PGGT1B: variants seen among roughly 807,000 people sequenced by gnomAD.
PGGT1B encodes geranylgeranyl transferase type-1 subunit beta.
Under a neutral mutation model 46.1 loss-of-function variants are expected in PGGT1B, and 30 were observed. That is an observed-to-expected ratio of 0.65 (90% confidence interval 0.49 to 0.88). The LOEUF (loss-of-function observed/expected upper bound fraction) is 0.88, where lower values mean the gene tolerates loss of function less well. PGGT1B is among the 40% of genes least tolerant of loss of function. The pLI, the probability that PGGT1B is intolerant of heterozygous loss-of-function variation, is 0.00. For missense variants in PGGT1B, 376 were observed against 455.9 expected (o/e 0.82, Z 1.60); for synonymous variants, 170 against 160.0 (o/e 1.06, Z -0.47).
chr5:115,239,811 A>G (rs546134874), intron 3 of PGGT1B, among the ~76,000 whole-genome samples: 1 of 152,328 alleles, frequency 6.6e-6, no homozygotes, highest in South Asian at 2.1e-4. Flanking sequence ...AAAATTTGCT[A>G]GAGAGCATGG....
intron 1 of PGGT1B, among the ~76,000 whole-genome samples, chr5:115,258,928 A>G (rs1748436571): frequency 6.6e-6 from 1 of 152,224 alleles, no homozygotes. Flanking sequence ...TCTTTCGCCT[A>G]CCATTAGATT....
rs1221672618 is a variant in PGGT1B, at chr5:115,212,396, A to T, written c.*6T>A. ...AAATCCCCCCACCCTCCCAATCTAA[A>T]ATCAGTCATGTGGAGATATGTACAT... is the stretch of plus-strand genomic sequence containing the variant. On this transcript the variant is annotated 3_prime_UTR_variant, in exon 9 of 9. Transcript: ENST00000419445. The T allele has an allele frequency of 6.2e-6, 10 of 1,606,098 alleles. No individual in the cohort carries two copies. The highest frequency in any genetic ancestry group is 6.8e-6 in the Non-Finnish European group (8 of 1,175,220).
At chr5:115,246,251 G>A (rs1747826667) in intron 2 of PGGT1B, among the ~76,000 whole-genome samples, 3 of 151,794 alleles carry the variant, frequency 2.0e-5, no homozygotes, top group African/African-American at 7.3e-5. Flanking sequence ...AGCTACTTGG[G>A]AGGCTGAGGC....
rs989321808 is a variant in PGGT1B at position 115,207,027 on chromosome 5, C to T, written c.*5375G>A. The T allele has an allele frequency of 1.3e-4, 20 of 151,544 alleles. No homozygotes were observed. The highest frequency in any genetic ancestry group is 2.8e-4 in the Non-Finnish European group (19 of 67,750). The allele number at this position is 151,544 out of a possible 1,614,324, so 9.4% of individuals were successfully genotyped here. On this transcript the variant is annotated 3_prime_UTR_variant, in exon 9 of 9. Coordinates refer to ENST00000419445, the MANE Select transcript of PGGT1B (RefSeq NM_005023.4). ...GTATCTTTCCATTTGGTGGAATCTA[C>T]ATTTTTGCCTCTCAAGAGTTTTTTT...
In PGGT1B at chr5:115,253,211, T is replaced by C; in HGVS notation, c.185A>G (p.Asp62Gly). 6.3e-7 allele frequency: 1 copy of C among 1,599,634 alleles called. No individual in the cohort carries two copies. The highest frequency in any genetic ancestry group is 8.5e-7 in the Non-Finnish European group (1 of 1,174,030). ...FFALSGLDML[D>G]SLDVVNKDDI... ...ATCTTTGTTCACCACATCTAAGGAA[T>C]CCAACATATCCAGCCCGGAGAGTGC... is the stretch of plus-strand genomic sequence containing the variant. Residue 62 changes from aspartate (D) to glycine (G), a missense_variant, in exon 2 of 9, where the codon GAT becomes GGT. This residue lies in a region of PGGT1B where 154 missense variants were observed against 142.3 expected (regional missense o/e 1.08). Transcript: ENST00000419445.
chr5:115,242,892 G>A (rs543829535), intron 2 of PGGT1B, among the ~76,000 whole-genome samples: 28 of 152,146 alleles, frequency 1.8e-4, no homozygotes, highest in African/African-American at 3.4e-4. Flanking sequence ...GCTTGAACCC[G>A]GGAGGTGGAG....
intron 1 of PGGT1B, among the ~76,000 whole-genome samples, chr5:115,256,320 C>T (rs1234842045): frequency 1.3e-5 from 2 of 152,184 alleles, no homozygotes; most frequent in Non-Finnish European, 2.9e-5. Flanking sequence ...TAAGGTCATA[C>T]TCTTATCTGT....
At chr5:115,237,553 C>A (rs1757220692) in intron 4 of PGGT1B, among the ~76,000 whole-genome samples, 1 of 152,130 alleles carries the variant, frequency 6.6e-6, no homozygotes, top group Non-Finnish European at 1.5e-5. Flanking sequence ...TTCAAAATAT[C>A]AATTTTTCAT....
chr5:115,213,220 G>A (rs545583809), intron 8 of PGGT1B, among the ~76,000 whole-genome samples: 1 of 152,272 alleles, frequency 6.6e-6, no homozygotes, highest in Admixed American at 6.5e-5. Flanking sequence ...ATTCTATTTG[G>A]TTGAAATAAT....
chr5:115,241,652 G>A lies in PGGT1B; in HGVS notation c.260-46C>T. 3 of 1,414,120 alleles carry A rather than the reference G, an allele frequency of 2.1e-6. No individual in the cohort carries two copies. The East Asian group carries it at 7.1e-5, about 33-fold the overall frequency. 87.6% of individuals were successfully genotyped at this position (1,414,120 alleles called of 1,614,324 possible). A position where few individuals can be genotyped will look rare whatever the true frequency, so the allele number is the denominator to read the frequency against. ...CTTATTTAAAGTACACTTTATTTTT[G>A]CACAGATTCTAAAGCAGTTTAATTA... On this transcript the variant is annotated intron_variant, in intron 2 of 8. Coordinates refer to ENST00000419445, the MANE Select transcript of PGGT1B (RefSeq NM_005023.4).
intron 8 of PGGT1B, 54 bp downstream of exon 8, chr5:115,216,811 T>A (rs1259967224): frequency 1.2e-6 from 1 of 866,116 alleles, no homozygotes; most frequent in Non-Finnish European, 1.9e-6. Flanking sequence ...TAAAGATGCT[T>A]GAAGATCTAT....
At chr5:115,224,232 CAA>C (rs1756686244) in intron 6 of PGGT1B, among the ~76,000 whole-genome samples, 1 of 152,140 alleles carries the variant, frequency 6.6e-6, no homozygotes, top group Admixed American at 6.6e-5. Flanking sequence ...GCCATGACTT[CAA>C]GTTTTATTAC....
chr5:115,212,968 T>C (rs773487608), intron 8 of PGGT1B, among the ~76,000 whole-genome samples: 2 of 152,200 alleles, frequency 1.3e-5, no homozygotes, highest in Non-Finnish European at 2.9e-5. Context: ...GCTATATCAT[T>C]AAGTTTTTTT....
intron 7 of PGGT1B, 31 bp downstream of exon 7, chr5:115,221,793 T>C (rs1756597176): frequency 2.2e-6 from 3 of 1,382,160 alleles, no homozygotes; most frequent in South Asian, 1.3e-5. Flanking sequence ...ACACAGAATA[T>C]AGGTTTCTCA....
Position 115,253,119 on chromosome 5 carries a change from T to C in PGGT1B, c.259+18A>G, listed in dbSNP as rs1218369011. The C allele has an allele frequency of 1.3e-6, 2 of 1,597,018 alleles. No individual in the cohort carries two copies. Among genetic ancestry groups the C allele is most frequent in the Non-Finnish European group, 1.7e-6 (2 of 1,173,712 alleles). On this transcript the variant is annotated intron_variant, in intron 2 of 8. Coordinates refer to ENST00000419445, the MANE Select transcript of PGGT1B (RefSeq NM_005023.4). ...ACAACCAGTCACACTAAAAATAAAATGCTAAAAACTCACTCACTGTCTTCT... is the reference window on the plus strand; with the variant it reads ...ACAACCAGTCACACTAAAAATAAAACGCTAAAAACTCACTCACTGTCTTCT...
intron 3 of PGGT1B, among the ~76,000 whole-genome samples, chr5:115,239,702 C>G (rs557261183): frequency 6.6e-6 from 1 of 152,068 alleles, no homozygotes; most frequent in South Asian, 2.1e-4. Flanking sequence ...AGAAGAGGAG[C>G]CTGGGCAGGT....
chr5:115,249,629 A>G (rs1234252096), intron 2 of PGGT1B, among the ~76,000 whole-genome samples: 1 of 151,716 alleles, frequency 6.6e-6, no homozygotes, highest in East Asian at 1.9e-4. Flanking sequence ...GTCAGGGTGG[A>G]GCAGGTAATC....
chr5:115,231,332 T>C (rs1756976728), intron 5 of PGGT1B, among the ~76,000 whole-genome samples: 1 of 151,958 alleles, frequency 6.6e-6, no homozygotes, highest in Non-Finnish European at 1.5e-5. Context: ...TCCTTTACCA[T>C]TGCAAGTATA....
At chr5:115,222,382 G>A (rs1301091858) in intron 6 of PGGT1B, among the ~76,000 whole-genome samples, 1 of 152,140 alleles carries the variant, frequency 6.6e-6, no homozygotes, top group Non-Finnish European at 1.5e-5. Context: ...TATTGCTTAT[G>A]AATTGAGGCT....
Sources: gnomAD v4.1 joint callset for allele counts (sites outside exome capture counted in the v4.1 genomes callset) on GRCh38, gnomAD v4.1.1 for gene constraint, gnomAD v4.1.1 regional missense constraint, MANE v1.5 for transcripts, NCBI Gene and HGNC (gene_info 2026-07-23, HGNC 2026-07-21) for gene names.